The following ZEB2 variants were observed in gnomAD, a reference collection of about 807,000 sequenced individuals.
The protein encoded by ZEB2 is zinc finger E-box-binding homeobox 2.
In ZEB2, 6 loss-of-function variants were observed where a neutral mutation model predicts 99.9. The ratio of observed to expected loss-of-function variants is 0.06; its 90% confidence interval spans 0.03 to 0.12. The LOEUF (loss-of-function observed/expected upper bound fraction) is 0.12, where lower values mean the gene tolerates loss of function less well. Among genes scored for constraint, ZEB2 ranks in the 10% least tolerant of loss-of-function variants. The probability of loss-of-function intolerance (pLI) is 1.00; values close to 1 mark genes in which losing one functional copy is unlikely to be tolerated. For synonymous variants in ZEB2, 517 were observed against 542.5 expected (o/e 0.95, Z 0.65); for missense variants, 969 against 1,502.8 (o/e 0.64, Z 5.87).
At chr2:144,441,904 C>T (rs762389517) in intron 2 of ZEB2, among the ~76,000 whole-genome samples, 20 of 152,124 alleles carry the variant, frequency 1.3e-4, no homozygotes, top group Non-Finnish European at 2.4e-4. Context: ...TAATACTGCA[C>T]AAAATGATAC....
intron 2 of ZEB2, among the ~76,000 whole-genome samples, chr2:144,481,483 G>C (rs1171436524): frequency 1.3e-5 from 2 of 152,184 alleles, no homozygotes; most frequent in East Asian, 3.8e-4. Context: ...GAAATAGTTG[G>C]GGAAGGGAGA....
chr2:144,404,253 C>G, intron 5 of ZEB2, 123 bp from the exon 6 acceptor site: 1 of 1,092,286 alleles, frequency 9.2e-7, no homozygotes, highest in South Asian at 1.3e-5. Context: ...CACAGAGTGC[C>G]ATCATTGCAC....
intron 2 of ZEB2, chr2:144,511,698 C>T: frequency 7.8e-7 from 1 of 1,286,950 alleles, no homozygotes; most frequent in African/African-American, 1.5e-5. Flanking sequence ...ATTCACAAAT[C>T]ACAGCAAACA....
intron 2 of ZEB2, among the ~76,000 whole-genome samples, chr2:144,440,191 C>G (rs2149895245): frequency 6.6e-6 from 1 of 152,270 alleles, no homozygotes; most frequent in African/African-American, 2.4e-5. Flanking sequence ...TTCAGGGAGG[C>G]TGGAACTCAG....
chr2:144,400,409 TTATGTGACCATA>T, intron 7 of ZEB2, 139 bp from the exon 8 acceptor site: 1 of 935,812 alleles, frequency 1.1e-6, no homozygotes, highest in Non-Finnish European at 1.6e-6. Context: ...TAGATTAGAA[TTATGTGACCATA>T]ACCATTTCTG....
intron 4 of ZEB2, among the ~76,000 whole-genome samples, chr2:144,417,970 C>A (rs1218030638): frequency 1.3e-5 from 2 of 151,952 alleles, no homozygotes; most frequent in Non-Finnish European, 2.9e-5. Context: ...TGTTATGTGT[C>A]AATAATAAAT....
intron 2 of ZEB2, chr2:144,516,719 G>C (rs906349133): frequency 6.6e-6 from 1 of 151,670 alleles, no homozygotes; most frequent in Non-Finnish European, 1.5e-5. Flanking sequence ...GCGATGGGCC[G>C]GGCCCCGCTG....
At chr2:144,460,665 T>C (rs1350772487) in intron 2 of ZEB2, among the ~76,000 whole-genome samples, 4 of 152,156 alleles carry the variant, frequency 2.6e-5, no homozygotes, top group African/African-American at 9.7e-5. Flanking sequence ...ATCCTGCTGG[T>C]TATACTTCTT....
intron 4 of ZEB2, among the ~76,000 whole-genome samples, chr2:144,409,404 A>C (rs1703428516): frequency 6.6e-6 from 1 of 152,120 alleles, no homozygotes; most frequent in African/African-American, 2.4e-5. Context: ...AAGGTTGTAG[A>C]ATTCTTCACT....
chr2:144,438,950 C>T (rs936689635), intron 2 of ZEB2, among the ~76,000 whole-genome samples: 1 of 151,936 alleles, frequency 6.6e-6, no homozygotes, highest in African/African-American at 2.4e-5. Context: ...GACACAAAAG[C>T]TCAACACATT....
chr2:144,513,266 G>A (rs970138495), intron 2 of ZEB2: 2 of 1,288,794 alleles, frequency 1.6e-6, no homozygotes, highest in Non-Finnish European at 2.0e-6. Flanking sequence ...TTTAAACAGG[G>A]ATAACCATTT....
chr2:144,437,939 C>T (rs943224767), intron 2 of ZEB2, among the ~76,000 whole-genome samples: 1 of 152,078 alleles, frequency 6.6e-6, no homozygotes, highest in Non-Finnish European at 1.5e-5. Flanking sequence ...GTTGCCCCAC[C>T]CTAAACCTTG....
intron 4 of ZEB2, among the ~76,000 whole-genome samples, chr2:144,421,653 A>C (rs1703619775): frequency 6.8e-6 from 1 of 147,786 alleles, no homozygotes; most frequent in Non-Finnish European, 1.5e-5. Flanking sequence ...CTTGTGTCAT[A>C]ATCTTTTTTT....
intron 2 of ZEB2, among the ~76,000 whole-genome samples, chr2:144,433,175 G>T (rs1232194269): frequency 1.3e-5 from 2 of 152,152 alleles, no homozygotes; most frequent in African/African-American, 4.8e-5. Flanking sequence ...TGTACTGTTT[G>T]CTGGCTCAAA....
chr2:144,455,521 G>A (rs931282209), intron 2 of ZEB2, among the ~76,000 whole-genome samples: 12 of 152,146 alleles, frequency 7.9e-5, no homozygotes, highest in African/African-American at 2.2e-4. Context: ...CGGTTTGGAA[G>A]CTTCAATTAA....
chr2:144,520,068 G>T lies in ZEB2; in HGVS notation c.-199C>A. 8.8e-6 allele frequency: 4 copies of T among 454,556 alleles called. No individual in the cohort carries two copies. The highest frequency in any genetic ancestry group is 6.2e-5 in the South Asian group (4 of 64,478). The allele number at this position is 454,556 out of a possible 1,614,324, so 28.2% of individuals were successfully genotyped here. A position where few individuals can be genotyped will look rare whatever the true frequency, so the allele number is the denominator to read the frequency against. On this transcript the variant is annotated 5_prime_UTR_variant, in exon 1 of 10. Transcript: ENST00000627532. ...CCGGAGCAAACTGTACAAAAACCTC[G>T]CCAAGAGTGTCGGGAGGCAGGACCG...
At chr2:144,416,638 T>C (rs1703543604) in intron 4 of ZEB2, among the ~76,000 whole-genome samples, 1 of 152,210 alleles carries the variant, frequency 6.6e-6, no homozygotes, top group Non-Finnish European at 1.5e-5. Flanking sequence ...TGCTAAAAAA[T>C]AAACATTATT....
intron 4 of ZEB2, chr2:144,405,280 A>C (rs1703371567): frequency 4.3e-6 from 2 of 466,952 alleles, no homozygotes; most frequent in African/African-American, 3.9e-5. Flanking sequence ...ATTAGTCTGT[A>C]TATACAAAGA....
intron 2 of ZEB2, chr2:144,513,993 C>G: frequency 2.0e-6 from 2 of 996,542 alleles, no homozygotes; most frequent in African/African-American, 3.3e-5. Context: ...TCACCCCACT[C>G]CCTCTTTCCT....
Sources: gnomAD v4.1 joint callset for allele counts (sites outside exome capture counted in the v4.1 genomes callset) on GRCh38, gnomAD v4.1.1 for gene constraint, MANE v1.5 for transcripts, NCBI Gene and HGNC (gene_info 2026-07-23, HGNC 2026-07-21) for gene names.